The following TMCO1 variants were observed in gnomAD, a reference collection of about 807,000 sequenced individuals.
TMCO1 encodes the protein transmembrane and coiled-coil domains 1.
A neutral mutation model predicts 29.3 loss-of-function variants in TMCO1; 29 were observed. The observed-to-expected ratio is 0.99, with a 90% CI of 0.74 to 1.35. The LOEUF is 1.35. Ranked by LOEUF, TMCO1 falls within the 40% of genes most tolerant of loss-of-function variation. TMCO1 has a pLI of 0.00. For synonymous variants in TMCO1, 80 were observed against 77.1 expected (o/e 1.04, Z -0.20); for missense variants, 173 against 225.5 (o/e 0.77, Z 1.49).
intron 5 of TMCO1, among the ~76,000 whole-genome samples, chr1:165,745,060 A>C (rs1651742883): frequency 6.6e-6 from 1 of 151,960 alleles, no homozygotes; most frequent in African/African-American, 2.4e-5. Context: ...TCGCTCTGTC[A>C]TTCAGGCTGG....
chr1:165,726,468 G>A, downstream of TMCO1: 2 of 550,370 alleles, frequency 3.6e-6, no homozygotes, highest in Non-Finnish European at 6.9e-6. Context: ...TATAGAGCTT[G>A]ACAGCCTGGA....
intron 4 of TMCO1, among the ~76,000 whole-genome samples, chr1:165,752,755 T>C (rs947430660): frequency 2.6e-5 from 4 of 151,334 alleles, no homozygotes; most frequent in African/African-American, 9.7e-5. Context: ...GATTGTGCCA[T>C]TGCACTCCTG....
chr1:165,732,151 C>G (rs1237141667), intron 6 of TMCO1, among the ~76,000 whole-genome samples: 1 of 152,104 alleles, frequency 6.6e-6, no homozygotes, highest in South Asian at 2.1e-4. Context: ...CCAGACGTCA[C>G]TAATATCTCT....
At chr1:165,752,875 T>C (rs190564840) in intron 4 of TMCO1, among the ~76,000 whole-genome samples, 8 of 152,228 alleles carry the variant, frequency 5.3e-5, no homozygotes, top group Admixed American at 2.6e-4. Flanking sequence ...ATTCCTCTTC[T>C]TGCCACCCGG....
At position 165,768,850 on chromosome 1, in the gene TMCO1, C is replaced by A. The variant is rs758191413; in HGVS notation, c.-99G>T. 14 of 1,579,984 alleles carry A rather than the reference C, an allele frequency of 8.9e-6. No homozygotes were observed. Among genetic ancestry groups the A allele is most frequent in the Non-Finnish European group, 1.2e-5 (14 of 1,162,072 alleles). On this transcript the variant is annotated 5_prime_UTR_variant, in exon 1 of 7. Transcript: ENST00000367881. ...CGGCTTCCGTAGACTCCGCCACCAC[C>A]GAGTAACAGACCAACTCTGACAGCC...
At chr1:165,728,260 C>A in intron 6 of TMCO1, 139 bp from the exon 7 acceptor site, 1 of 463,744 alleles carries the variant, frequency 2.2e-6, no homozygotes, top group East Asian at 5.5e-5. Flanking sequence ...ATGATTATCA[C>A]TTTTTTTTTT....
intron 3 of TMCO1, among the ~76,000 whole-genome samples, chr1:165,757,631 G>A (rs1571228428): frequency 6.6e-6 from 1 of 152,152 alleles, no homozygotes; most frequent in African/African-American, 2.4e-5. Flanking sequence ...CCAAGTAGCT[G>A]GGATTATAGG....
In TMCO1 at chr1:165,754,205, G is replaced by T. The variant is rs776306181; in HGVS notation, c.255+23C>A. The stretch of plus-strand genomic sequence containing the variant: ...CTAAAAATATTATGTGGTTAACCAT[G>T]AAGTTATAGTTAGGTCTCTTACCAT... On this transcript the variant is annotated intron_variant, in intron 4 of 6. Transcript: ENST00000367881. 5.0e-6 allele frequency: 8 copies of T among 1,588,534 alleles called. No individual in the cohort carries two copies. The East Asian group carries it at 1.8e-4, about 36-fold the overall frequency.
downstream of TMCO1, chr1:165,725,888 T>C (rs918407287): frequency 1.8e-6 from 1 of 559,996 alleles, no homozygotes; most frequent in Non-Finnish European, 3.3e-6. Context: ...TTTAAAAAAA[T>C]TTTAATGAAT....
intron 5 of TMCO1, among the ~76,000 whole-genome samples, chr1:165,745,778 T>C (rs1234796367): frequency 6.6e-6 from 1 of 152,212 alleles, no homozygotes; most frequent in African/African-American, 2.4e-5. Flanking sequence ...GTACAGCCTT[T>C]AACTTCTAGG....
chr1:165,768,551 G>T, intron 1 of TMCO1, 131 bp downstream of exon 1: 3 of 1,568,298 alleles, frequency 1.9e-6, no homozygotes, highest in Non-Finnish European at 2.6e-6. Flanking sequence ...GTTGCCCAGA[G>T]ATTCCCTGAA....
At chr1:165,725,018 CTCTCTCTATA>C (rs771633232), downstream of TMCO1, 1,008 of 137,966 alleles carry the variant, frequency 7.3e-3, 5 homozygotes, top group East Asian at 0.056. Flanking sequence ...CTCTCTCTCT[CTCTCTCTATA>C]TATATATATA....
chr1:165,742,626 C>G (rs1174532670), intron 6 of TMCO1, among the ~76,000 whole-genome samples: 1 of 148,224 alleles, frequency 6.7e-6, no homozygotes. Flanking sequence ...TCTGCCTGAA[C>G]CTTTCCCCAC....
chr1:165,765,440 C>T (rs562324380), intron 2 of TMCO1, among the ~76,000 whole-genome samples: 4 of 152,172 alleles, frequency 2.6e-5, no homozygotes, highest in African/African-American at 4.8e-5. Flanking sequence ...TGTGCCACCA[C>T]GCCCAGCTAA....
At chr1:165,732,761 C>A (rs910612668) in intron 6 of TMCO1, among the ~76,000 whole-genome samples, 2 of 151,842 alleles carry the variant, frequency 1.3e-5, no homozygotes, top group Non-Finnish European at 2.9e-5. Flanking sequence ...TTGCTGTGAA[C>A]CTAAAACTGT....
intron 2 of TMCO1, among the ~76,000 whole-genome samples, chr1:165,760,362 T>C (rs1652354439): frequency 6.7e-6 from 1 of 150,156 alleles, no homozygotes. Context: ...ATCCAGGCGG[T>C]GGAGGTTGCA....
upstream of TMCO1, chr1:165,768,903 A>C (rs1045406608): frequency 3.9e-6 from 6 of 1,545,506 alleles, no homozygotes; most frequent in Non-Finnish European, 5.2e-6. Flanking sequence ...CTTCCGGGGC[A>C]TAGCACCGGA....
chr1:165,751,407 T>C (rs1651987468), intron 5 of TMCO1, among the ~76,000 whole-genome samples: 1 of 152,052 alleles, frequency 6.6e-6, no homozygotes, highest in African/African-American at 2.4e-5. Context: ...TTGTATTTTA[T>C]AAAAATTAAA....
rs74915241 is a variant in TMCO1 at position 165,744,456 on chromosome 1, C to T, written c.324-1145G>A. Among the ~76,000 whole-genome samples, 525 of 152,246 alleles carry T rather than the reference C, an allele frequency of 3.4e-3. 5 individuals carry two copies. Among genetic ancestry groups the T allele is most frequent in the African/African-American group, 0.012 (496 of 41,548 alleles). On this transcript the variant is annotated intron_variant, in intron 5 of 6. Transcript: ENST00000367881. Reference sequence around the variant, plus strand: ...ATCTGTTAGAGACATTAGTGATGAGCTTTCTGTATTAGGAGAGAAGTTATG... The same window carrying T: ...ATCTGTTAGAGACATTAGTGATGAGTTTTCTGTATTAGGAGAGAAGTTATG...
Sources: allele counts gnomAD v4.1 joint callset (sites outside exome capture counted in the v4.1 genomes callset), GRCh38; gene constraint gnomAD v4.1.1; transcripts MANE v1.5; gene names NCBI Gene and HGNC (gene_info 2026-07-23, HGNC 2026-07-21).